SBF2: variants seen among roughly 807,000 people sequenced by gnomAD.
The protein encoded by SBF2 is SET binding factor 2, also known as myotubularin-related protein 13.
SBF2 carries 112 observed loss-of-function variants against 225.2 expected under a neutral mutation model. That is an observed-to-expected ratio of 0.50 (90% CI 0.43 to 0.58). The LOEUF (loss-of-function observed/expected upper bound fraction) is 0.58. Among genes scored for constraint, SBF2 ranks in the 20% least tolerant of loss-of-function variants. The pLI is 0.00. For missense variants in SBF2, 1,996 were observed against 2,206.2 expected (o/e 0.90, Z 1.91); for synonymous variants, 763 against 773.3 (o/e 0.99, Z 0.22).
intron 13 of SBF2, among the ~76,000 whole-genome samples, chr11:9,979,195 T>A (rs1946835175): frequency 6.6e-6 from 1 of 152,206 alleles, no homozygotes; most frequent in Non-Finnish European, 1.5e-5. Context: ...ATGGGGATAA[T>A]GACACCTGCC....
intron 20 of SBF2, 119 bp from the exon 21 acceptor site, chr11:9,852,868 G>C: frequency 1.2e-6 from 1 of 801,064 alleles, no homozygotes; most frequent in Non-Finnish European, 2.2e-6. Flanking sequence ...AAAAGTTAAA[G>C]AGAATTACCA....
At chr11:10,246,041 C>T (rs528692471) in intron 1 of SBF2, among the ~76,000 whole-genome samples, 1 of 152,058 alleles carries the variant, frequency 6.6e-6, no homozygotes, top group African/African-American at 2.4e-5. Context: ...TGAATAAATC[C>T]TAGAGATCTA....
chr11:10,084,924 TCAGA>T (rs1565212079), intron 2 of SBF2, among the ~76,000 whole-genome samples: 2 of 152,148 alleles, frequency 1.3e-5, no homozygotes, highest in Non-Finnish European at 1.5e-5. Context: ...TAGTGGAGAC[TCAGA>T]CAGGTGAGGA....
At chr11:9,851,178 A>G (rs1784028812) in intron 21 of SBF2, among the ~76,000 whole-genome samples, 2 of 151,720 alleles carry the variant, frequency 1.3e-5, no homozygotes. Flanking sequence ...CAGAATACAT[A>G]GATTAGTTAA....
In SBF2 at chr11:9,947,861, G is replaced by A. The variant is rs191264830; in HGVS notation, c.1860+14096C>T. On this transcript the variant is annotated intron_variant, in intron 16 of 39. Transcript: ENST00000256190. ...GAATGTAAAATGATGCAGCTACTAC[G>A]CAAGACAGTATAACAGTTCCTCAAA... Among the ~76,000 whole-genome samples the A allele has an allele frequency of 1.6e-3, 247 of 152,106 alleles. 1 individual carries two copies. Among genetic ancestry groups the A allele is most frequent in the Non-Finnish European group, 1.8e-3 (121 of 67,984 alleles).
intron 39 of SBF2, 39 bp from the exon 40 acceptor site, chr11:9,780,555 AG>A (rs1564845779): frequency 6.4e-7 from 1 of 1,566,168 alleles, no homozygotes; most frequent in South Asian, 1.1e-5. Flanking sequence ...GATGAAGGGC[AG>A]GGCTGTTTTA....
chr11:9,983,816 C>A (rs1002511148), intron 13 of SBF2, among the ~76,000 whole-genome samples: 1 of 152,132 alleles, frequency 6.6e-6, no homozygotes, highest in Non-Finnish European at 1.5e-5. Context: ...GTGGCTAGAT[C>A]CAGGAGAGAC....
intron 2 of SBF2, among the ~76,000 whole-genome samples, chr11:10,176,622 C>T (rs1279011693): frequency 3.9e-5 from 6 of 152,008 alleles, no homozygotes; most frequent in African/African-American, 1.2e-4. Flanking sequence ...ACATATACAC[C>T]CTCCCAAGAC....
At chr11:10,185,298 G>T (rs1193720839) in intron 2 of SBF2, among the ~76,000 whole-genome samples, 1 of 152,142 alleles carries the variant, frequency 6.6e-6, no homozygotes, top group Non-Finnish European at 1.5e-5. Context: ...GAAATTGTTA[G>T]GTCATATGGT....
intron 9 of SBF2, 39 bp downstream of exon 9, chr11:9,998,227 A>AT (rs750410077): frequency 9.3e-6 from 11 of 1,183,872 alleles, no homozygotes; most frequent in Non-Finnish European, 1.4e-5. Flanking sequence ...CTTCAGATTT[A>AT]AATAAAGAGA....
At chr11:10,197,865 A>G (rs963401809) in intron 1 of SBF2, among the ~76,000 whole-genome samples, 10 of 152,240 alleles carry the variant, frequency 6.6e-5, no homozygotes, top group African/African-American at 2.4e-4. Flanking sequence ...TATCCATAAG[A>G]AGCAAAGCTT....
At chr11:9,854,385 C>T (rs549735242) in intron 19 of SBF2, among the ~76,000 whole-genome samples, 60 of 152,294 alleles carry the variant, frequency 3.9e-4, no homozygotes, top group African/African-American at 1.3e-3. Context: ...CTTGCTTATT[C>T]AGCTCTTACT....
intron 16 of SBF2, among the ~76,000 whole-genome samples, chr11:9,904,491 T>C (rs778560864): frequency 1.3e-5 from 2 of 152,060 alleles, no homozygotes; most frequent in Non-Finnish European, 2.9e-5. Context: ...AACAGATAAA[T>C]TTACAATCAT....
chr11:10,089,474 A>C lies in SBF2; in HGVS notation c.142-46493T>G, dbSNP rs1211527820. Among the ~76,000 whole-genome samples the C allele has an allele frequency of 7.2e-5, 11 of 152,192 alleles. No individual in the cohort carries two copies. In the South Asian group the frequency reaches 2.3e-3, roughly 32 times the overall value. On this transcript the variant is annotated intron_variant, in intron 2 of 39. Coordinates refer to ENST00000256190, the MANE Select transcript of SBF2 (RefSeq NM_030962.4). ...TCCCTCATTTTCCAACTATTCATCA[A>C]AATAGTATAAATTGTTCAAGTGATG...
At chr11:10,059,283 T>C (rs1412277239) in intron 2 of SBF2, among the ~76,000 whole-genome samples, 1 of 152,132 alleles carries the variant, frequency 6.6e-6, no homozygotes, top group African/African-American at 2.4e-5. Context: ...ATCTCATGTG[T>C]AATGACATTC....
chr11:9,881,485 A>T (rs1202781433), intron 17 of SBF2, among the ~76,000 whole-genome samples: 1 of 152,100 alleles, frequency 6.6e-6, no homozygotes, highest in Non-Finnish European at 1.5e-5. Context: ...GTTAAGCTAT[A>T]AAAATTTAGT....
chr11:10,104,176 T>C (rs887803558), intron 2 of SBF2, among the ~76,000 whole-genome samples: 4 of 152,152 alleles, frequency 2.6e-5, no homozygotes, highest in Admixed American at 6.5e-5. Flanking sequence ...CTTCATCCTG[T>C]TGTGGTCAGA....
chr11:10,051,188 G>A (rs991859148), intron 2 of SBF2, among the ~76,000 whole-genome samples: 1 of 151,994 alleles, frequency 6.6e-6, no homozygotes, highest in Non-Finnish European at 1.5e-5. Context: ...ATCCATAAAT[G>A]TTTAGCTATT....
chr11:10,001,294 G>A (rs1947945134), intron 7 of SBF2, among the ~76,000 whole-genome samples: 1 of 152,016 alleles, frequency 6.6e-6, no homozygotes, highest in African/African-American at 2.4e-5. Context: ...AGGTCTTCTA[G>A]TACTGTTTGA....
Sources: allele counts gnomAD v4.1 joint callset (sites outside exome capture counted in the v4.1 genomes callset), GRCh38; gene constraint gnomAD v4.1.1; transcripts MANE v1.5; gene names NCBI Gene and HGNC (gene_info 2026-07-23, HGNC 2026-07-21).